The following PCNT variants were observed in gnomAD, a reference collection of about 807,000 sequenced individuals.
The protein encoded by PCNT is pericentrin.
A neutral mutation model predicts 380.4 loss-of-function variants in PCNT; 319 were observed. The observed-to-expected ratio is 0.84, with a 90% CI of 0.77 to 0.92. The LOEUF is 0.92. Among genes scored for constraint, PCNT ranks in the 40% least tolerant of loss-of-function variants. The pLI is 0.00. For missense variants in PCNT, 4,400 were observed against 4,255.3 expected (o/e 1.03, Z -0.95); for synonymous variants, 1,845 against 1,735.2 (o/e 1.06, Z -1.57).
At chr21:46,331,571 A>C (rs539844558) in intron 2 of PCNT, among the ~76,000 whole-genome samples, 2 of 152,272 alleles carry the variant, frequency 1.3e-5, no homozygotes, top group Admixed American at 6.5e-5. Context: ...TGGGAGGCCA[A>C]CGTGGGAGGA....
chr21:46,422,877 T>A (rs111446216), intron 32 of PCNT, among the ~76,000 whole-genome samples: 19 of 152,228 alleles, frequency 1.2e-4, no homozygotes, highest in Non-Finnish European at 2.1e-4. Flanking sequence ...CTTTGTTACA[T>A]GCGTTTAAAA....
At position 46,428,455 on chromosome 21, in the gene PCNT, T is replaced by C; in HGVS notation, c.7555T>C (p.Ser2519Pro). The C allele has an allele frequency of 6.2e-7, 1 of 1,612,512 alleles. No homozygotes were observed. Among genetic ancestry groups the C allele is most frequent in the East Asian group, 2.2e-5 (1 of 44,876 alleles). The change falls in exon 35 of 47, where the codon TCC becomes CCC. Residue 2519 changes from serine to proline, a missense_variant. Coordinates refer to ENST00000359568, the MANE Select transcript of PCNT (RefSeq NM_006031.6). ...LRLPDRSSLL[S>P]EIQALRAQLR... ...CTTGCCGGACCGGAGCAGCCTGCTG[T>C]CCGAGATCCAGGCGCTGCGTGCCCA...
chr21:46,409,498 T>C (rs974797105), intron 27 of PCNT, among the ~76,000 whole-genome samples: 16 of 151,690 alleles, frequency 1.1e-4, no homozygotes, highest in Non-Finnish European at 8.8e-5. Context: ...AGATTATACT[T>C]TTGAAGTTCT....
intron 21 of PCNT, among the ~76,000 whole-genome samples, chr21:46,394,261 T>C (rs1361445476): frequency 6.6e-6 from 1 of 152,198 alleles, no homozygotes; most frequent in Admixed American, 6.5e-5. Flanking sequence ...GTGTGGTGTT[T>C]TGTGGCTCTC....
chr21:46,431,672 G>A lies in PCNT; in HGVS notation c.8208G>A (p.Glu2736=). ...HSRCEALLAQ[E]RSQLSELQKD... is the part of the protein sequence containing the mutation. ...GCTGCGAGGCCTTGCTGGCTCAGGA[G>A]CGGAGCCAGCTCTCTGAGCTCCAGA... Residue 2736 remains glutamate (E), a synonymous_variant, in exon 38 of 47, where the codon GAG becomes GAA. Transcript: ENST00000359568. 6.2e-7 allele frequency: 1 copy of A among 1,613,300 alleles called. No individual in the cohort carries two copies. Among genetic ancestry groups the A allele is most frequent in the Non-Finnish European group, 8.5e-7 (1 of 1,179,816 alleles).
chr21:46,401,045 G>A (rs2086408486), intron 25 of PCNT, among the ~76,000 whole-genome samples: 1 of 152,228 alleles, frequency 6.6e-6, no homozygotes, highest in South Asian at 2.1e-4. Context: ...ACTGAGCTTA[G>A]TAGATGCCAG....
intron 13 of PCNT, among the ~76,000 whole-genome samples, chr21:46,362,035 T>G (rs753191985): frequency 1.4e-4 from 21 of 152,222 alleles, no homozygotes; most frequent in Non-Finnish European, 1.5e-5. Context: ...GTCCTGCTCC[T>G]CTGGAGAGTG....
chr21:46,416,282 A>G lies in PCNT; in HGVS notation c.6364A>G (p.Ile2122Val), dbSNP rs995567240. The G allele has an allele frequency of 1.2e-6, 2 of 1,614,162 alleles. No homozygotes were observed. Among genetic ancestry groups the G allele is most frequent in the East Asian group, 2.2e-5 (1 of 44,880 alleles). ...DDSCDGEEPD[I>V]SPHIDTCDAN... ...TTCCTGTGACGGAGAAGAGCCTGAC[A>G]TATCACCCCACATAGACACATGTGA... Residue 2122 changes from isoleucine (I) to valine (V), a missense_variant, in exon 30 of 47, where the codon ATA becomes GTA. Coordinates refer to ENST00000359568, the MANE Select transcript of PCNT (RefSeq NM_006031.6).
chr21:46,422,660 A>G (rs1323383535), intron 32 of PCNT, among the ~76,000 whole-genome samples: 1 of 152,264 alleles, frequency 6.6e-6, no homozygotes, highest in East Asian at 1.9e-4. Context: ...CAAGTGAGTG[A>G]TAGAATGATG....
rs1245588339 is a variant in PCNT, at chr21:46,443,835, T to C, written c.9726T>C (p.Ser3242=). ...RPGPRARQPQ[S]PPRTRESPPT... is the part of the protein sequence containing the mutation. Reference sequence around the variant, plus strand: ...GGCCCCGAGCACGACAGCCGCAGTCTCCACCCAGAACCAGAGAGTCCCCCC... The same window carrying C: ...GGCCCCGAGCACGACAGCCGCAGTCCCCACCCAGAACCAGAGAGTCCCCCC... Residue 3242 remains serine (S), a synonymous_variant, in exon 45 of 47, where the codon TCT becomes TCC. Coordinates refer to ENST00000359568, the MANE Select transcript of PCNT (RefSeq NM_006031.6). 1.2e-6 allele frequency: 2 copies of C among 1,613,476 alleles called. No individual in the cohort carries two copies. Among genetic ancestry groups the C allele is most frequent in the African/African-American group, 1.3e-5 (1 of 74,898 alleles).
At chr21:46,431,014 G>C (rs2087739520) in intron 37 of PCNT, 2 of 985,324 alleles carry the variant, frequency 2.0e-6, no homozygotes, top group Admixed American at 6.1e-5. Context: ...CCTCTGCTTT[G>C]CATGGCGGAG....
intron 9 of PCNT, 66 bp downstream of exon 9, chr21:46,351,606 A>G: frequency 1.1e-6 from 1 of 949,494 alleles, no homozygotes; most frequent in Non-Finnish European, 1.7e-6. Flanking sequence ...CATTGTTGTA[A>G]CACCAAGCCA....
At chr21:46,346,031 C>T (rs369016148) in intron 3 of PCNT, 97 bp from the exon 4 acceptor site, 120 of 1,167,256 alleles carry the variant, frequency 1.0e-4, no homozygotes, top group African/African-American at 6.0e-4. Flanking sequence ...CAGCTGCGAA[C>T]GGGGTTTTGT....
intron 13 of PCNT, among the ~76,000 whole-genome samples, chr21:46,359,491 G>GTTTTTTTTT (rs1219693835): frequency 1.1e-4 from 7 of 66,040 alleles, no homozygotes; most frequent in South Asian, 4.7e-4. Context: ...TTTTTTTTTT[G>GTTTTTTTTT]TTTTTTTTTT....
intron 41 of PCNT, 30 bp from the exon 42 acceptor site, chr21:46,440,053 G>T: frequency 6.2e-7 from 1 of 1,613,762 alleles, no homozygotes; most frequent in Non-Finnish European, 8.5e-7. Context: ...GAGCAGCTCT[G>T]TAGACAGCGC....
At chr21:46,413,601 A>T (rs1445429320) in intron 29 of PCNT, among the ~76,000 whole-genome samples, 1 of 152,190 alleles carries the variant, frequency 6.6e-6, no homozygotes, top group African/African-American at 2.4e-5. Flanking sequence ...AATTGATCCA[A>T]ATGGATTTAA....
chr21:46,404,200 T>C (rs897647939), intron 27 of PCNT, among the ~76,000 whole-genome samples: 1 of 152,222 alleles, frequency 6.6e-6, no homozygotes, highest in African/African-American at 2.4e-5. Context: ...GAATGCTCCC[T>C]GAGTGAACAC....
At chr21:46,390,376 C>CTGTA (rs2085990131) in intron 19 of PCNT, among the ~76,000 whole-genome samples, 1 of 152,204 alleles carries the variant, frequency 6.6e-6, no homozygotes, top group Non-Finnish European at 1.5e-5. Context: ...GGGTCTCAGC[C>CTGTA]TGTAGATGGC....
intron 17 of PCNT, among the ~76,000 whole-genome samples, chr21:46,386,337 G>A (rs1273580547): frequency 2.0e-5 from 3 of 152,240 alleles, no homozygotes; most frequent in African/African-American, 7.2e-5. Flanking sequence ...CCCCGGCACG[G>A]GGTGCAGGCC....
Sources: gnomAD v4.1 joint callset for allele counts (sites outside exome capture counted in the v4.1 genomes callset) on GRCh38, gnomAD v4.1.1 for gene constraint, MANE v1.5 for transcripts, NCBI Gene and HGNC (gene_info 2026-07-23, HGNC 2026-07-21) for gene names.